Variants in MOGS observed in about 807,000 individuals in gnomAD.
The protein encoded by MOGS is epididymis secretory sperm binding protein.
MOGS carries 45 observed loss-of-function variants against 68.5 expected under a neutral mutation model. The observed-to-expected ratio is 0.66, with a 90% CI of 0.52 to 0.84. MOGS has a LOEUF of 0.84. Among genes scored for constraint, MOGS ranks in the 40% least tolerant of loss-of-function variants. The pLI is 0.00. For missense variants in MOGS, 1,020 were observed against 1,095.0 expected, an observed-to-expected ratio of 0.93 and a Z score of 0.97; for synonymous variants, 492 against 461.2, an observed-to-expected ratio of 1.07 and a Z score of -0.86.
Position 74,461,651 on chromosome 2 carries a change from A to G in MOGS, c.2138T>C (p.Leu713Pro), listed in dbSNP as rs748734282. Residue 713 changes from leucine to proline, a missense_variant, in exon 4 of 4, where the codon CTG (leucine) becomes CCG (proline). Transcript: ENST00000448666. ...DPTSSRLGPL[L>P]DILADSRHLW... is the part of the protein sequence containing the mutation. ...ATGGCGGCTGTCGGCTAGAATGTCC[A>G]GCAGGGGCCCAAGGCGGGATGAGGT... The G allele has an allele frequency of 2.0e-5, 32 of 1,614,098 alleles. No homozygotes were observed. The highest frequency in any genetic ancestry group is 2.6e-5 in the Non-Finnish European group (31 of 1,180,036).
Position 74,461,694 on chromosome 2 carries a change from G to C in MOGS, c.2095C>G (p.Leu699Val). The C allele has an allele frequency of 6.2e-7, 1 of 1,614,250 alleles. No individual in the cohort carries two copies. The highest frequency in any genetic ancestry group is 8.5e-7 in the Non-Finnish European group (1 of 1,180,042). The change falls in exon 4 of 4, where the codon CTG (leucine) becomes GTG (valine). Residue 699 changes from leucine (L) to valine (V), a missense_variant. Leu to Val is a conservative substitution (Grantham distance 32). This residue lies in a region of MOGS where 270 missense variants were observed against 261.3 expected (regional missense o/e 1.03). Coordinates refer to ENST00000448666, the MANE Select transcript of MOGS (RefSeq NM_006302.3). Reference protein sequence around the residue: ...LGYVSLFPLLLRLLDPTSSRL... With the variant: ...LGYVSLFPLLVRLLDPTSSRL... ...GATGAGGTGGGGTCCAGCAGTCGCA[G>C]CAGCAAGGGAAAAAGACTGACATAG...
rs752804401 is a variant in MOGS, at chr2:74,463,206, C to T, written c.760G>A (p.Ala254Thr). 5.0e-6 allele frequency: 8 copies of T among 1,614,048 alleles called. No individual in the cohort carries two copies. The highest frequency in any genetic ancestry group is 3.4e-6 in the Non-Finnish European group (4 of 1,180,034). ...LLPPTSPGDT[A>T]PKYGSYNVFW... ...CCCAGTTACCTGCCATACTTGGGGG[C>T]TGTATCCCCTGGACTGGTTGGTGGC... Residue 254 changes from alanine (A) to threonine (T), a missense_variant, in exon 3 of 4, where the codon GCC (alanine) becomes ACC (threonine). Ala to Thr is a moderately conservative substitution (Grantham distance 58, BLOSUM62 0). Transcript: ENST00000448666.
chr2:74,464,669 T>G lies in MOGS; in HGVS notation c.406A>C (p.Thr136Pro). The G allele has an allele frequency of 1.2e-6, 2 of 1,614,034 alleles. No homozygotes were observed. Reference sequence around the variant, plus strand: ...CCCACACCGTCCCCCTGCTCACACGTGTGCCTGAGCTTAGGAGTCCCCGGG... The same window carrying G: ...CCCACACCGTCCCCCTGCTCACACGGGTGCCTGAGCTTAGGAGTCCCCGGG... ...TTPGTPKLRH[T>P]CEQGDGVGPY... Residue 136 changes from threonine (T) to proline (P), a missense_variant, in exon 2 of 4, where the codon ACG (threonine) becomes CCG (proline). Thr to Pro is a conservative substitution (Grantham distance 38). Coordinates refer to ENST00000448666, the MANE Select transcript of MOGS (RefSeq NM_006302.3).
Position 74,462,884 on chromosome 2 carries a change from C to A in MOGS, c.905G>T (p.Gly302Val). Residue 302 changes from glycine to valine, a missense_variant, in exon 4 of 4, where the codon GGA becomes GTA. By Grantham distance (109) the Gly-to-Val change is moderately radical. Coordinates refer to ENST00000448666, the MANE Select transcript of MOGS (RefSeq NM_006302.3). ...ACCTCTGTCCTCCCACTTCAGGGAT[C>A]CTGGCAAGCCGAGGTAGCGTTCAGG... is the stretch of plus-strand genomic sequence containing the variant. ...APPERYLGLP[G>V]SLKWEDRGPS... The A allele has an allele frequency of 6.2e-7, 1 of 1,614,186 alleles. No individual in the cohort carries two copies.
rs962883478 is a variant in MOGS, at chr2:74,465,297, C to T, written c.-50G>A. 3 of 1,336,344 alleles carry T rather than the reference C, an allele frequency of 2.2e-6. No homozygotes were observed. In the African/African-American group the frequency reaches 4.6e-5, roughly 21 times the overall value. The allele number at this position is 1,336,344 out of a possible 1,614,324, so 82.8% of individuals were successfully genotyped here. ...AGAGCTCGGAGAGGCGGCAGTGGAG[C>T]CCGGGTCCTGCCTCACCTCTCCGGC... On this transcript the variant is annotated 5_prime_UTR_variant, in exon 1 of 4. Coordinates refer to ENST00000448666, the MANE Select transcript of MOGS (RefSeq NM_006302.3).
Position 74,462,415 on chromosome 2 carries a change from C to A in MOGS, c.1374G>T (p.Val458=), listed in dbSNP as rs758243710. ...FLWDEGFHQL[V]VQRWDPSLTR... Reference sequence around the variant, plus strand: ...TGAGGGAGGGATCCCACCGCTGAACCACCAGCTGGTGAAAGCCTTCATCCC... The same window carrying A: ...TGAGGGAGGGATCCCACCGCTGAACAACCAGCTGGTGAAAGCCTTCATCCC... Residue 458 remains valine, a synonymous_variant, in exon 4 of 4, where the codon GTG becomes GTT. Coordinates refer to ENST00000448666, the MANE Select transcript of MOGS (RefSeq NM_006302.3). The A allele has an allele frequency of 3.7e-6, 6 of 1,613,764 alleles. No homozygotes were observed. Among genetic ancestry groups the A allele is most frequent in the Non-Finnish European group, 5.1e-6 (6 of 1,179,780 alleles).
In MOGS at chr2:74,461,800, C is replaced by T. The variant is rs1671915418; in HGVS notation, c.1989G>A (p.Gln663=). The part of the protein sequence containing the change: ...ADFGNHTKAV[Q]LKPRPPQGLV... ...GCCCCTGAGGGGGCCTGGGCTTCAG[C>T]TGTACTGCTTTTGTGTGGTTCCCAA... The change falls in exon 4 of 4, where the codon CAG becomes CAA. Residue 663 remains glutamine (Q), a synonymous_variant. Coordinates refer to ENST00000448666, the MANE Select transcript of MOGS (RefSeq NM_006302.3). 6.2e-7 allele frequency: 1 copy of T among 1,614,088 alleles called. No individual in the cohort carries two copies. Among genetic ancestry groups the T allele is most frequent in the Admixed American group, 1.7e-5 (1 of 60,012 alleles).
chr2:74,464,251 G>T (rs772819133), intron 2 of MOGS, among the ~76,000 whole-genome samples: 1 of 152,220 alleles, frequency 6.6e-6, no homozygotes, highest in Non-Finnish European at 1.5e-5. Flanking sequence ...GAGCCACCGC[G>T]CCCAGCCTCT....
rs1416952652 is a variant in MOGS at position 74,461,442 on chromosome 2, G to A, written c.2347C>T (p.Leu783Phe). The change falls in exon 4 of 4, where the codon CTC (leucine) becomes TTC (phenylalanine). Residue 783 changes from leucine (L) to phenylalanine (F), a missense_variant. Transcript: ENST00000448666. ...ACGTTGGCACGGAGCTCACCGTGGA[G>A]TTTGGCAGCCCGAGCCTGGTGAGGA... ...EGPHQARAAK[L>F]HGELRANVVG... 6.2e-7 allele frequency: 1 copy of A among 1,614,130 alleles called. No homozygotes were observed.
intron 2 of MOGS, 136 bp downstream of exon 2, chr2:74,464,359 AG>A (rs1229598008): frequency 2.1e-5 from 15 of 718,998 alleles, no homozygotes; most frequent in Admixed American, 2.4e-5. Context: ...GATGGTAAAT[AG>A]AAATGGTTAT....
rs1671910874 is a variant in MOGS at position 74,461,740 on chromosome 2, C to T, written c.2049G>A (p.Leu683=). Reference sequence around the variant, plus strand: ...CATAGCCAAGAGCATCTACATACTGCAGTTGAGGTTGGGGCCGACCCACCA... The same window carrying T: ...CATAGCCAAGAGCATCTACATACTGTAGTTGAGGTTGGGGCCGACCCACCA... The part of the protein sequence containing the change: ...VRVVGRPQPQ[L]QYVDALGYVS... Residue 683 remains leucine (L), a synonymous_variant, in exon 4 of 4, where the codon CTG becomes CTA. Transcript: ENST00000448666. 1.2e-6 allele frequency: 2 copies of T among 1,614,224 alleles called. No homozygotes were observed. Among genetic ancestry groups the T allele is most frequent in the Non-Finnish European group, 1.7e-6 (2 of 1,180,050 alleles).
chr2:74,462,267 C>A lies in MOGS; in HGVS notation c.1522G>T (p.Val508Phe). The change falls in exon 4 of 4, where the codon GTC (valine) becomes TTC (phenylalanine). Residue 508 changes from valine to phenylalanine, a missense_variant. Physicochemically the swap from Val to Phe is conservative, Grantham distance 50. This residue lies in a region of MOGS where 181 missense variants were observed against 261.8 expected (regional missense o/e 0.69). Coordinates refer to ENST00000448666, the MANE Select transcript of MOGS (RefSeq NM_006302.3). ...AGTAGGGTTGGGGGGTTGGCGTGGA[C>A]TGCTCGTTGTACTAGGAATTCTGGA... ...VPPEFLVQRA[V>F]HANPPTLLLP... is the part of the protein sequence containing the mutation. 6.2e-7 allele frequency: 1 copy of A among 1,613,994 alleles called. No individual in the cohort carries two copies. Among genetic ancestry groups the A allele is most frequent in the Non-Finnish European group, 8.5e-7 (1 of 1,180,032 alleles).
chr2:74,464,580 G>A lies in MOGS; in HGVS notation c.495C>T (p.Ala165=), dbSNP rs1672012650. ...TGACGAACTCAGTGGTGAGCCTTAA[G>A]GCCCCATCCTGGATGTGTTGGCGCC... The part of the protein sequence containing the change: ...SFGRQHIQDG[A]LRLTTEFVKR... The change falls in exon 2 of 4, where the codon GCC becomes GCT. Residue 165 remains alanine, a synonymous_variant. Coordinates refer to ENST00000448666, the MANE Select transcript of MOGS (RefSeq NM_006302.3). 2 of 1,613,962 alleles carry A rather than the reference G, an allele frequency of 1.2e-6. No individual in the cohort carries two copies. The highest frequency in any genetic ancestry group is 2.7e-5 in the African/African-American group (2 of 74,910).
rs769767415 is a variant in MOGS, at chr2:74,461,774, AG to A, written c.2014del (p.Leu672SerfsTer15). On this transcript the variant is annotated frameshift_variant, in exon 4 of 4. Transcript: ENST00000448666. LOFTEE classifies it high-confidence loss of function. ...TTGGGGCCGACCCACCACCCGAACG[AG>A]CCCCTGAGGGGGCCTGGGCTTCAGC... Reference protein sequence around the residue: ...VQLKPRPPQGLVRVVGRPQPQ... With the variant: ...VQLKPRPPQGXVRVVGRPQPQ... 4 of 1,614,216 alleles carry A rather than the reference AG, an allele frequency of 2.5e-6. No individual in the cohort carries two copies. The highest frequency in any genetic ancestry group is 2.5e-6 in the Non-Finnish European group (3 of 1,180,042).
rs531780920 is a variant in MOGS, at chr2:74,461,095, T to C, written c.*180A>G. On this transcript the variant is annotated 3_prime_UTR_variant, in exon 4 of 4. Transcript: ENST00000448666. ...GTTTTTTCCAATTTATTTAGAAAAA[T>C]AGACTCTGGATTCACATTCACCCCA... 4.1e-6 allele frequency: 3 copies of C among 729,586 alleles called. No individual in the cohort carries two copies. Among genetic ancestry groups the C allele is most frequent in the African/African-American group, 3.6e-5 (2 of 56,166 alleles). The allele number at this position is 729,586 out of a possible 1,614,324, so 45.2% of individuals were successfully genotyped here.
At position 74,461,282 on chromosome 2, in the gene MOGS, T is replaced by G. The variant is rs1572919021; in HGVS notation, c.2507A>C (p.Asp836Ala). ...CCCCTCCTCTCCCTCCCTTCAGTAG[T>G]CTTCAGCCATGGCCAGTAAGACAAG... Reference protein sequence around the residue: ...TSLVLLAMAEDY With the variant: ...TSLVLLAMAEAY The change falls in exon 4 of 4, where the codon GAC (aspartate) becomes GCC (alanine). Residue 836 changes from aspartate to alanine, a missense_variant. This residue lies in a region of MOGS where 270 missense variants were observed against 261.3 expected (regional missense o/e 1.03). Coordinates refer to ENST00000448666, the MANE Select transcript of MOGS (RefSeq NM_006302.3). 6.2e-7 allele frequency: 1 copy of G among 1,613,918 alleles called. No homozygotes were observed. Among genetic ancestry groups the G allele is most frequent in the African/African-American group, 1.3e-5 (1 of 74,920 alleles).
At chr2:74,463,424 A>G (rs981183580) in intron 2 of MOGS, 38 bp from the exon 3 acceptor site, 7 of 1,594,186 alleles carry the variant, frequency 4.4e-6, no homozygotes, top group Non-Finnish European at 6.0e-6. Flanking sequence ...ACAGTGTTAG[A>G]TTGGCATTCT....
chr2:74,463,179 C>T lies in MOGS; in HGVS notation c.776+11G>A, dbSNP rs1220438418. 34 of 1,613,850 alleles carry T rather than the reference C, an allele frequency of 2.1e-5. No homozygotes were observed. The highest frequency in any genetic ancestry group is 2.8e-5 in the Non-Finnish European group (33 of 1,179,942). On this transcript the variant is annotated intron_variant, in intron 3 of 3. Coordinates refer to ENST00000448666, the MANE Select transcript of MOGS (RefSeq NM_006302.3). ...CCCTTCCATCCCCCAACATTCTTTT[C>T]CCCCAGTTACCTGCCATACTTGGGG...
At position 74,462,306 on chromosome 2, in the gene MOGS, G is replaced by T. The variant is rs746601093; in HGVS notation, c.1483C>A (p.Arg495=). Residue 495 remains arginine (R), a synonymous_variant, in exon 4 of 4, where the codon CGA becomes AGA. Transcript: ENST00000448666. The stretch of plus-strand genomic sequence containing the variant: ...AGGAATTCTGGAGGCACCCGGGCTC[G>T]GGCCTCATCCCCCAGTATCTGCTCC... ...GREQILGDEA[R]ARVPPEFLVQ... The T allele has an allele frequency of 1.2e-6, 2 of 1,613,830 alleles. No homozygotes were observed. The highest frequency in any genetic ancestry group is 1.7e-6 in the Non-Finnish European group (2 of 1,180,018).
Sources: allele counts gnomAD v4.1 joint callset (sites outside exome capture counted in the v4.1 genomes callset), GRCh38; gene constraint gnomAD v4.1.1; regional missense constraint gnomAD v4.1.1; transcripts MANE v1.5; gene names NCBI Gene and HGNC (gene_info 2026-07-23, HGNC 2026-07-21).